The following OSBPL8 variants were observed in gnomAD, a reference collection of about 807,000 sequenced individuals.
OSBPL8 encodes oxysterol-binding protein-related protein 8.
A neutral mutation model predicts 125.5 loss-of-function variants in OSBPL8; 59 were observed. The ratio of observed to expected loss-of-function variants is 0.47; its 90% CI spans 0.38 to 0.58. OSBPL8 has a LOEUF of 0.58. OSBPL8 is among the 20% of genes least tolerant of loss of function. OSBPL8 has a pLI of 0.00. For synonymous variants in OSBPL8, 330 were observed against 338.9 expected (o/e 0.97, Z 0.29); for missense variants, 758 against 1,047.8 (o/e 0.72, Z 3.82).
intron 2 of OSBPL8, among the ~76,000 whole-genome samples, chr12:76,467,254 G>T (rs574096477): frequency 2.0e-5 from 3 of 152,168 alleles, no homozygotes; most frequent in African/African-American, 7.2e-5. Context: ...GCCATTACCA[G>T]TGCTCAGCTT....
At chr12:76,549,048 G>C (rs1348797571) in intron 1 of OSBPL8, among the ~76,000 whole-genome samples, 1 of 151,354 alleles carries the variant, frequency 6.6e-6, no homozygotes, top group East Asian at 1.9e-4. Context: ...AAGAAAAAGA[G>C]AACAACAAAA....
intron 2 of OSBPL8, among the ~76,000 whole-genome samples, chr12:76,460,656 A>G (rs1267764174): frequency 6.6e-6 from 1 of 152,218 alleles, no homozygotes. Context: ...GCAATCAACT[A>G]AAAGAAACAG....
At chr12:76,375,674 C>CCAATGCACA (rs1952790781) in intron 16 of OSBPL8, among the ~76,000 whole-genome samples, 2 of 151,770 alleles carry the variant, frequency 1.3e-5, no homozygotes, top group African/African-American at 4.8e-5. Flanking sequence ...TTTGAGTCAC[C>CCAATGCACA]CAATGCACAC....
At chr12:76,551,327 TC>T (rs1261677910) in intron 1 of OSBPL8, among the ~76,000 whole-genome samples, 1 of 152,152 alleles carries the variant, frequency 6.6e-6, no homozygotes, top group Admixed American at 6.5e-5. Context: ...AGTGACCTTG[TC>T]CCCAGGGAAC....
At chr12:76,459,794 A>G in intron 3 of OSBPL8, 65 bp downstream of exon 3, 3 of 1,570,348 alleles carry the variant, frequency 1.9e-6, no homozygotes, top group Non-Finnish European at 2.6e-6. Context: ...TTTGCCTTTC[A>G]TAATAATCAC....
chr12:76,480,167 CAAAAAAAA>C (rs57582036), intron 2 of OSBPL8, among the ~76,000 whole-genome samples: 1 of 56,386 alleles, frequency 1.8e-5, no homozygotes, highest in African/African-American at 7.3e-5. Context: ...AACTCCATCT[CAAAAAAAA>C]AAAAAAAAAA....
At chr12:76,468,912 T>G (rs988193483) in intron 2 of OSBPL8, among the ~76,000 whole-genome samples, 16 of 152,314 alleles carry the variant, frequency 1.1e-4, no homozygotes, top group Admixed American at 2.6e-4. Flanking sequence ...CTAGTAAAAC[T>G]AAGGAAGAAC....
chr12:76,464,249 T>C (rs1875105462), intron 2 of OSBPL8, among the ~76,000 whole-genome samples: 2 of 152,162 alleles, frequency 1.3e-5, no homozygotes, highest in Non-Finnish European at 2.9e-5. Context: ...GAACAGCCAC[T>C]GCACTCCAGC....
rs148304607 is a variant in OSBPL8, at chr12:76,431,733, T to C, written c.217+19118A>G. Among the ~76,000 whole-genome samples the C allele has an allele frequency of 2.0e-3, 310 of 152,166 alleles. 1 individual carries two copies. Among genetic ancestry groups the C allele is most frequent in the African/African-American group, 7.1e-3 (296 of 41,528 alleles). On this transcript the variant is annotated intron_variant, in intron 4 of 23. Coordinates refer to ENST00000261183, the MANE Select transcript of OSBPL8 (RefSeq NM_020841.5). The stretch of plus-strand genomic sequence containing the variant: ...CACATATATATGCACCCAACTTCAA[T>C]GCACCTAAATATATAAAGCAAACAT...
intron 1 of OSBPL8, among the ~76,000 whole-genome samples, chr12:76,530,915 C>T (rs985925219): frequency 6.6e-6 from 1 of 152,186 alleles, no homozygotes; most frequent in Admixed American, 6.5e-5. Context: ...AAGTTCTCAT[C>T]AATGAACTAC....
chr12:76,549,445 G>C (rs1198032886), intron 1 of OSBPL8, among the ~76,000 whole-genome samples: 2 of 152,158 alleles, frequency 1.3e-5, no homozygotes, highest in Non-Finnish European at 2.9e-5. Flanking sequence ...TTGAGACGGA[G>C]TCTCACCCAG....
chr12:76,556,183 A>C (rs1555244790), intron 1 of OSBPL8, among the ~76,000 whole-genome samples: 1 of 152,174 alleles, frequency 6.6e-6, no homozygotes, highest in Non-Finnish European at 1.5e-5. Context: ...TCATTCATTA[A>C]CTATTGAACA....
chr12:76,370,680 G>C (rs1429613807), intron 19 of OSBPL8, among the ~76,000 whole-genome samples: 3 of 152,184 alleles, frequency 2.0e-5, no homozygotes, highest in African/African-American at 7.2e-5. Context: ...GGCTGAGACA[G>C]AATTTTTAGA....
chr12:76,558,544 T>C (rs1485441477), intron 1 of OSBPL8, among the ~76,000 whole-genome samples: 2 of 152,240 alleles, frequency 1.3e-5, no homozygotes, highest in Non-Finnish European at 2.9e-5. Flanking sequence ...ATCATTAAAT[T>C]TTTTATTTAA....
intron 15 of OSBPL8, among the ~76,000 whole-genome samples, chr12:76,379,026 A>G (rs1427472109): frequency 6.6e-6 from 1 of 152,138 alleles, no homozygotes; most frequent in Non-Finnish European, 1.5e-5. Flanking sequence ...ACCTTGGGTG[A>G]TCTGCCCACC....
intron 21 of OSBPL8, among the ~76,000 whole-genome samples, chr12:76,366,320 G>T (rs1230692610): frequency 2.0e-5 from 3 of 151,974 alleles, no homozygotes; most frequent in Non-Finnish European, 4.4e-5. Flanking sequence ...GAGTTTCTAG[G>T]GATTTGTTGG....
intron 1 of OSBPL8, among the ~76,000 whole-genome samples, chr12:76,555,194 A>G (rs1951056867): frequency 6.6e-6 from 1 of 152,230 alleles, no homozygotes; most frequent in African/African-American, 2.4e-5. Flanking sequence ...CATCACAACA[A>G]TGAATAGATA....
chr12:76,384,465 T>C (rs1198721406), intron 14 of OSBPL8, 115 bp from the exon 15 acceptor site: 6 of 531,336 alleles, frequency 1.1e-5, no homozygotes, highest in Non-Finnish European at 1.8e-5. Flanking sequence ...TTATAATGAG[T>C]AAGAAAAAAC....
intron 3 of OSBPL8, among the ~76,000 whole-genome samples, chr12:76,451,939 C>A (rs753853096): frequency 6.6e-6 from 1 of 151,960 alleles, no homozygotes; most frequent in African/African-American, 2.4e-5. Context: ...GCCAACGTGG[C>A]GAAACCCCGT....
Sources: gnomAD v4.1 joint callset for allele counts (sites outside exome capture counted in the v4.1 genomes callset) on GRCh38, gnomAD v4.1.1 for gene constraint, MANE v1.5 for transcripts, NCBI Gene and HGNC (gene_info 2026-07-23, HGNC 2026-07-21) for gene names.